DDX42: variants seen among roughly 807,000 people sequenced by gnomAD.
The protein encoded by DDX42 is DEAD-box helicase 42.
A neutral mutation model predicts 101.5 loss-of-function variants in DDX42; 22 were observed. That is an observed-to-expected ratio of 0.22 (90% CI 0.15 to 0.31). The LOEUF (loss-of-function observed/expected upper bound fraction) is 0.31, where lower values mean the gene tolerates loss of function less well. Ranked by LOEUF, DDX42 falls within the 10% of genes least tolerant of loss-of-function variation. DDX42 has a pLI of 1.00. For missense variants in DDX42, 849 were observed against 1,199.9 expected (o/e 0.71, Z 4.32); for synonymous variants, 402 against 401.2 (o/e 1.00, Z -0.02).
intron 4 of DDX42, 186 bp downstream of exon 4, chr17:63,798,285 A>G: frequency 5.9e-6 from 3 of 507,562 alleles, no homozygotes; most frequent in Non-Finnish European, 7.0e-6. Flanking sequence ...TGCAATAATT[A>G]AAAAGCATTC....
At chr17:63,810,961 A>C (rs1223824150) in intron 12 of DDX42, 115 bp from the exon 13 acceptor site, 2 of 762,984 alleles carry the variant, frequency 2.6e-6, no homozygotes, top group Non-Finnish European at 2.1e-6. Flanking sequence ...ACTAAATTTA[A>C]AGTTCAGGTG....
intron 12 of DDX42, among the ~76,000 whole-genome samples, 153 bp from the exon 13 acceptor site, chr17:63,810,923 A>G (rs566971362): frequency 5.9e-5 from 9 of 152,350 alleles, no homozygotes; most frequent in Admixed American, 5.2e-4. Context: ...AATAAGAGCA[A>G]ATCTTTCCCT....
At chr17:63,775,175 A>G (rs981367619) in intron 1 of DDX42, 2 of 152,664 alleles carry the variant, frequency 1.3e-5, no homozygotes, top group Non-Finnish European at 2.9e-5. Context: ...CTGGCACATA[A>G]GAGGTGAGCA....
intron 2 of DDX42, among the ~76,000 whole-genome samples, 178 bp from the exon 3 acceptor site, chr17:63,792,234 G>A (rs1417001686): frequency 6.6e-6 from 1 of 152,054 alleles, no homozygotes; most frequent in Non-Finnish European, 1.5e-5. Flanking sequence ...TTGAAATTTT[G>A]CATGTATTAA....
chr17:63,807,488 G>T (rs1271476243), intron 8 of DDX42, among the ~76,000 whole-genome samples: 1 of 152,156 alleles, frequency 6.6e-6, no homozygotes, highest in Non-Finnish European at 1.5e-5. Context: ...TTTCTGTTCT[G>T]TAAGTGGTGG....
intron 1 of DDX42, among the ~76,000 whole-genome samples, chr17:63,776,880 T>C (rs765066392): frequency 1.3e-5 from 2 of 152,192 alleles, no homozygotes; most frequent in African/African-American, 2.4e-5. Flanking sequence ...GCTACTTTAC[T>C]ATTCTGTTAA....
Position 63,812,703 on chromosome 17 carries a change from G to T in DDX42, c.1675+495G>T, listed in dbSNP as rs555126858. ...AATATATATTCCCAGTGCAAGAGAAGAGGGCATGGCAGATTACTGATGCAA... is the reference window on the plus strand; with the variant it reads ...AATATATATTCCCAGTGCAAGAGAATAGGGCATGGCAGATTACTGATGCAA... On this transcript the variant is annotated intron_variant, in intron 14 of 17. Coordinates refer to ENST00000389924, the MANE Select transcript of DDX42 (RefSeq NM_203499.3). Among the ~76,000 whole-genome samples, 13 of 152,246 alleles carry T rather than the reference G, an allele frequency of 8.5e-5. No individual in the cohort carries two copies. The South Asian group carries it at 2.7e-3, about 32-fold the overall frequency.
At chr17:63,792,338 A>T in intron 2 of DDX42, 74 bp from the exon 3 acceptor site, 1 of 1,490,586 alleles carries the variant, frequency 6.7e-7, no homozygotes, top group Non-Finnish European at 9.1e-7. Flanking sequence ...ACCATAATAA[A>T]AATGTTGTTA....
Position 63,813,295 on chromosome 17 carries a change from C to T in DDX42, c.1743C>T (p.Thr581=). 1 of 1,613,922 alleles carries T rather than the reference C, an allele frequency of 6.2e-7. No homozygotes were observed. The highest frequency in any genetic ancestry group is 8.5e-7 in the Non-Finnish European group (1 of 1,179,910). Residue 581 remains threonine, a synonymous_variant, in exon 15 of 18, where the codon ACC becomes ACT. Transcript: ENST00000389924. The part of the protein sequence containing the change: ...INYDVARDID[T]HTHRIGRTGR... Reference sequence around the variant, plus strand: ...ATGATGTGGCACGAGACATTGATACCCACACGCATAGGATTGGCCGCACAG... The same window carrying T: ...ATGATGTGGCACGAGACATTGATACTCACACGCATAGGATTGGCCGCACAG...
In DDX42 at chr17:63,817,811, T is replaced by C. The variant is rs2039994894; in HGVS notation, c.2230T>C (p.Ser744Pro). Residue 744 changes from serine to proline, a missense_variant, in exon 18 of 18, where the codon TCA becomes CCA. Ser to Pro is a moderately conservative substitution (Grantham distance 74, BLOSUM62 -1). This residue lies in a region of DDX42 where 300 missense variants were observed against 304.9 expected (regional missense o/e 0.98). Transcript: ENST00000389924. Reference protein sequence around the residue: ...AGSLNSVPTNSAQQGHNSPDS... With the variant: ...AGSLNSVPTNPAQQGHNSPDS... ...GAGCTTGAATTCTGTTCCAACTAAC[T>C]CAGCACAACAGGGCCATAACAGTCC... The C allele has an allele frequency of 6.2e-7, 1 of 1,614,022 alleles. No homozygotes were observed. The highest frequency in any genetic ancestry group is 8.5e-7 in the Non-Finnish European group (1 of 1,180,024).
At chr17:63,815,849 A>G (rs772604702) in intron 16 of DDX42, 176 bp downstream of exon 16, 92 of 364,820 alleles carry the variant, frequency 2.5e-4, no homozygotes, top group Non-Finnish European at 1.0e-5. Flanking sequence ...GTAACTTTCT[A>G]TTGAAGAAGC....
At position 63,781,256 on chromosome 17, in the gene DDX42, C is replaced by T. The variant is rs566904988; in HGVS notation, c.-16-5778C>T. ...TTTTTGAGACAGAGTCTCGCACTCTCGCCCAGGCTGGAGTGTAGTAGCCGG... is the reference window on the plus strand; with the variant it reads ...TTTTTGAGACAGAGTCTCGCACTCTTGCCCAGGCTGGAGTGTAGTAGCCGG... On this transcript the variant is annotated intron_variant, in intron 1 of 17. Transcript: ENST00000389924. Among the ~76,000 whole-genome samples the T allele has an allele frequency of 5.9e-5, 9 of 152,234 alleles. No homozygotes were observed. The South Asian group carries it at 1.2e-3, about 21-fold the overall frequency.
Position 63,816,946 on chromosome 17 carries a change from G to T in DDX42, c.2092G>T (p.Ala698Ser). 1 of 1,613,838 alleles carries T rather than the reference G, an allele frequency of 6.2e-7. No individual in the cohort carries two copies. Among genetic ancestry groups the T allele is most frequent in the South Asian group, 1.1e-5 (1 of 91,060 alleles). Residue 698 changes from alanine to serine, a missense_variant, in exon 17 of 18, where the codon GCA becomes TCA. By Grantham distance (99) the Ala-to-Ser change is moderately conservative. This residue lies in a region of DDX42 where 86 missense variants were observed against 160.8 expected (regional missense o/e 0.53). Transcript: ENST00000389924. ...AGGAGCTATGGGAGATCGACTAACG[G>T]CAATGAAAGCAGCTTTCCAGGTCTG... is the stretch of plus-strand genomic sequence containing the variant. ...STGAMGDRLTAMKAAFQSQYK... is the reference protein window; with the variant it reads ...STGAMGDRLTSMKAAFQSQYK...
chr17:63,780,273 G>T lies in DDX42; in HGVS notation c.-17+5897G>T, dbSNP rs2039471104. ...ATTGCGCCATTGCACTCCAGCCTGG[G>T]CAACAAGAGCGAAACTGTCTCAAAA... On this transcript the variant is annotated intron_variant, in intron 1 of 17. Transcript: ENST00000389924. Among the ~76,000 whole-genome samples, 4 of 149,542 alleles carry T rather than the reference G, an allele frequency of 2.7e-5. No individual in the cohort carries two copies. The South Asian group carries it at 8.5e-4, about 32-fold the overall frequency.
chr17:63,807,408 T>TG (rs1460267189), intron 8 of DDX42, among the ~76,000 whole-genome samples: 1 of 152,264 alleles, frequency 6.6e-6, no homozygotes, highest in East Asian at 1.9e-4. Flanking sequence ...CCCAAAGTGC[T>TG]GGGATTACAG....
At chr17:63,815,244 C>T (rs947672897) in intron 15 of DDX42, among the ~76,000 whole-genome samples, 3 of 152,140 alleles carry the variant, frequency 2.0e-5, no homozygotes, top group East Asian at 3.8e-4. Flanking sequence ...TCATTTTCCT[C>T]AAGGAAGTTA....
intron 6 of DDX42, 165 bp from the exon 7 acceptor site, chr17:63,804,906 C>A: frequency 1.3e-6 from 1 of 773,364 alleles, no homozygotes; most frequent in Non-Finnish European, 2.0e-6. Context: ...AACAAACTAG[C>A]TATACTTTTT....
intron 15 of DDX42, 29 bp downstream of exon 15, chr17:63,813,483 T>C (rs1402282417): frequency 3.1e-6 from 5 of 1,593,404 alleles, no homozygotes; most frequent in South Asian, 2.2e-5. Context: ...TTTCAATTGC[T>C]CCTGGTTATA....
chr17:63,776,603 G>C (rs999072933), intron 1 of DDX42, among the ~76,000 whole-genome samples: 6 of 150,902 alleles, frequency 4.0e-5, no homozygotes, highest in South Asian at 2.1e-4. Flanking sequence ...AATTTTTCAC[G>C]CCAACTCTTG....
Sources: allele counts gnomAD v4.1 joint callset (sites outside exome capture counted in the v4.1 genomes callset), GRCh38; gene constraint gnomAD v4.1.1; regional missense constraint gnomAD v4.1.1; transcripts MANE v1.5; gene names NCBI Gene and HGNC (gene_info 2026-07-23, HGNC 2026-07-21).